Variants in PUDP observed in about 807,000 individuals in gnomAD.
The protein encoded by PUDP is pseudouridine-5'-phosphatase.
In PUDP, 8 loss-of-function variants were observed where a neutral mutation model predicts 9.4. That is an observed-to-expected ratio of 0.85 (90% confidence interval 0.50 to 1.53). PUDP has a LOEUF of 1.53. Among genes scored for constraint, PUDP ranks in the 40% most tolerant of loss-of-function variants. The pLI is 0.00. For missense variants in PUDP, 188 were observed against 189.7 expected (o/e 0.99, Z 0.05); for synonymous variants, 99 against 80.7 (o/e 1.23, Z -1.22).
chrX:6,872,630 C>T (rs1372490625), intron 3 of PUDP, among the ~76,000 whole-genome samples: 3 of 98,506 alleles, frequency 3.0e-5, no homozygotes, highest in Non-Finnish European at 4.0e-5. Context: ...ATCCAGGAGG[C>T]GGAGGTTTCA....
At chrX:6,930,930 T>C (rs2146769246) in intron 3 of PUDP, among the ~76,000 whole-genome samples, 1 of 107,731 alleles carries the variant, frequency 9.3e-6, no homozygotes, top group South Asian at 4.1e-4. Flanking sequence ...AATTTGAATG[T>C]CAAAAAAAGT....
chrX:6,885,358 G>A (rs910353108), intron 3 of PUDP, among the ~76,000 whole-genome samples: 35 of 111,789 alleles, frequency 3.1e-4, no homozygotes, highest in African/African-American at 1.1e-3. Context: ...TAAAACTTTC[G>A]CCTCTGGTGG....
At chrX:6,851,519 G>T (rs1278307583) in intron 3 of PUDP, among the ~76,000 whole-genome samples, 1 of 111,180 alleles carries the variant, frequency 9.0e-6, no homozygotes, top group Non-Finnish European at 1.9e-5. Context: ...AGAGAAGGGA[G>T]CGAGGAATTA....
At chrX:6,713,616 G>A (rs1337935376) in intron 1 of PUDP, among the ~76,000 whole-genome samples, 6 of 111,460 alleles carry the variant, frequency 5.4e-5, no homozygotes, top group South Asian at 7.5e-4. Flanking sequence ...TGGGCTTATC[G>A]GGATGTAACC....
chrX:6,727,256 G>A (rs1379019852), intron 3 of PUDP, among the ~76,000 whole-genome samples: 1 of 111,221 alleles, frequency 9.0e-6, no homozygotes, highest in Non-Finnish European at 1.9e-5. Context: ...GATTGCTAAA[G>A]TAGAAAACAA....
At chrX:7,023,402 T>C (rs1346300004) in intron 1 of PUDP, among the ~76,000 whole-genome samples, 1 of 112,256 alleles carries the variant, frequency 8.9e-6, no homozygotes, top group Non-Finnish European at 1.9e-5. Flanking sequence ...AATGGATGCA[T>C]ATGTGAGATC....
chrX:6,833,434 TG>T (rs1285588883), intron 3 of PUDP, among the ~76,000 whole-genome samples: 2 of 110,999 alleles, frequency 1.8e-5, no homozygotes, highest in African/African-American at 6.6e-5. Flanking sequence ...GACGAATGAA[TG>T]GAAGATAGAT....
chrX:7,009,543 T>C (rs1929448339), intron 1 of PUDP, among the ~76,000 whole-genome samples: 1 of 111,728 alleles, frequency 9.0e-6, no homozygotes. Context: ...TTCTGAGGAA[T>C]ACAAATCAAT....
At chrX:6,983,606 C>T (rs1443484226) in intron 1 of PUDP, among the ~76,000 whole-genome samples, 1 of 111,764 alleles carries the variant, frequency 8.9e-6, no homozygotes, top group Non-Finnish European at 1.9e-5. Context: ...ATTTGTTTTA[C>T]AAGAACAGTT....
At chrX:6,794,582 T>G (rs751571095) in intron 3 of PUDP, among the ~76,000 whole-genome samples, 228 of 109,257 alleles carry the variant, frequency 2.1e-3, no homozygotes, top group African/African-American at 7.0e-3. Context: ...TTTTTTTTTT[T>G]TTTTTGGAGA....
chrX:6,975,807 G>A (rs938853890), intron 3 of PUDP, among the ~76,000 whole-genome samples: 2 of 112,070 alleles, frequency 1.8e-5, no homozygotes, highest in Admixed American at 9.5e-5. Flanking sequence ...GCCCACAGCC[G>A]CCCCTTCCCC....
intron 3 of PUDP, among the ~76,000 whole-genome samples, chrX:6,744,253 G>A (rs1401339412): frequency 2.7e-5 from 3 of 112,266 alleles, no homozygotes. Context: ...GATAGAGCAA[G>A]AATGTTAAAA....
intron 3 of PUDP, among the ~76,000 whole-genome samples, chrX:6,737,826 T>C (rs998415422): frequency 3.6e-5 from 4 of 111,367 alleles, no homozygotes; most frequent in African/African-American, 1.3e-4. Flanking sequence ...TTTAAAAGGA[T>C]TACTCCATCA....
intron 1 of PUDP, among the ~76,000 whole-genome samples, chrX:6,983,301 G>C (rs765460419): frequency 9.0e-6 from 1 of 111,446 alleles, no homozygotes; most frequent in South Asian, 3.9e-4. Flanking sequence ...AATCGGGAGT[G>C]TTGATTGGTT....
chrX:6,728,576 G>C (rs1427343749), intron 3 of PUDP, among the ~76,000 whole-genome samples: 6 of 111,799 alleles, frequency 5.4e-5, no homozygotes, highest in Admixed American at 3.8e-4. Context: ...AGGGCACAAA[G>C]GGATTATGTG....
At chrX:6,857,113 G>T (rs1409956616) in intron 3 of PUDP, among the ~76,000 whole-genome samples, 1 of 112,514 alleles carries the variant, frequency 8.9e-6, no homozygotes, top group East Asian at 2.8e-4. Context: ...GAAATTTAGT[G>T]AACATTGATT....
rs111896666 is a variant in PUDP at position 7,032,704 on chromosome X, G to A, written c.204+44516C>T. ...ATGGTAATAAGAACAGCAGTTGCCT[G>A]AAGTTTTGGGGGTTGGTGATATGAG... is the stretch of plus-strand genomic sequence containing the variant. On this transcript the variant is annotated intron_variant and NMD_transcript_variant, in intron 1 of 3. Transcript: ENST00000655425. 3.9e-3 allele frequency among the ~76,000 whole-genome samples: 441 copies of A among 111,921 alleles called. 3 individuals are homozygous for A. The highest frequency in any genetic ancestry group is 0.014 in the African/African-American group (422 of 30,837).
chrX:6,876,950 TAC>T (rs747481639), intron 3 of PUDP, among the ~76,000 whole-genome samples: 3,607 of 91,961 alleles, frequency 0.039, 136 homozygotes, highest in African/African-American at 0.11. Context: ...CATATATGTG[TAC>T]ACACACACAC....
chrX:7,114,156 C>G (rs1179767794), intron 1 of PUDP, among the ~76,000 whole-genome samples: 1 of 111,467 alleles, frequency 9.0e-6, no homozygotes, highest in Admixed American at 9.5e-5. Context: ...CTCACTGAAA[C>G]CTCTGCATCC....
Sources: gnomAD v4.1 joint callset for allele counts (sites outside exome capture counted in the v4.1 genomes callset) on GRCh38, gnomAD v4.1.1 for gene constraint, MANE v1.5 for transcripts, NCBI Gene and HGNC (gene_info 2026-07-23, HGNC 2026-07-21) for gene names.